Variants in TENM2 observed in about 807,000 individuals in gnomAD.
TENM2 encodes the protein teneurin transmembrane protein 2.
TENM2 carries 52 observed loss-of-function variants against 245.2 expected under a neutral mutation model. The observed-to-expected ratio is 0.21, with a 90% CI of 0.17 to 0.27. TENM2 has a LOEUF of 0.27. Among genes scored for constraint, TENM2 ranks in the 10% least tolerant of loss-of-function variants. The pLI, the probability that TENM2 is intolerant of heterozygous loss-of-function variation, is 1.00. For synonymous variants in TENM2, 1,363 were observed against 1,438.9 expected (o/e 0.95, Z 1.19); for missense variants, 3,046 against 3,666.8 (o/e 0.83, Z 4.37).
the TENM2 span, among the ~76,000 whole-genome samples, chr5:167,278,098 GT>G: frequency 1.3e-5 from 2 of 151,426 alleles, no homozygotes; most frequent in East Asian, 3.9e-4. Context: ...GGGCCCAGGA[GT>G]TGAAGACTAG....
At chr5:167,783,398 G>A (rs758206841) in intron 2 of TENM2, among the ~76,000 whole-genome samples, 1 of 152,074 alleles carries the variant, frequency 6.6e-6, no homozygotes, top group Admixed American at 6.5e-5. Context: ...GACCCACATG[G>A]CACTGGCGGC....
In TENM2 at chr5:167,932,456, G is replaced by A. The variant is rs1297754097; in HGVS notation, c.713-20132G>A. The stretch of plus-strand genomic sequence containing the variant: ...AATGAATGAATGATGAAATAAACAG[G>A]CATAATTAGTAGGGTCGAATCGTTG... On this transcript the variant is annotated intron_variant, in intron 3 of 28. Transcript: ENST00000518659. Among the ~76,000 whole-genome samples, 3 of 152,004 alleles carry A rather than the reference G, an allele frequency of 2.0e-5. No individual in the cohort carries two copies. The East Asian group carries it at 5.8e-4, about 30-fold the overall frequency.
intron 1 of TENM2, among the ~76,000 whole-genome samples, chr5:167,285,279 T>C (rs1771268342): frequency 6.6e-6 from 1 of 152,196 alleles, no homozygotes; most frequent in African/African-American, 2.4e-5. Flanking sequence ...ATTCTCCTCA[T>C]AGTCCACTTA....
At chr5:167,259,302 T>C in the TENM2 span, among the ~76,000 whole-genome samples, 2 of 152,188 alleles carry the variant, frequency 1.3e-5, no homozygotes, top group African/African-American at 4.8e-5. Flanking sequence ...CTGGAGCTAG[T>C]TCCCACCTAT....
At chr5:167,082,674 ACT>A in the TENM2 span, among the ~76,000 whole-genome samples, 2 of 152,108 alleles carry the variant, frequency 1.3e-5, no homozygotes, top group Non-Finnish European at 2.9e-5. Flanking sequence ...GACTCTAATA[ACT>A]CTCTTAAACT....
Position 167,772,629 on chromosome 5 carries a change from T to A in TENM2, c.503-103357T>A, listed in dbSNP as rs564074508. Among the ~76,000 whole-genome samples, 6 of 151,854 alleles carry A rather than the reference T, an allele frequency of 4.0e-5. No homozygotes were observed. In the South Asian group the frequency reaches 8.3e-4, roughly 21 times the overall value. On this transcript the variant is annotated intron_variant, in intron 2 of 28. Coordinates refer to ENST00000518659, the Ensembl canonical transcript of TENM2. ...CACTTACCAAGTATCAGACCCACTTTTTTTTTTTTGCAGTTTATAATACAA... is the reference window on the plus strand; with the variant it reads ...CACTTACCAAGTATCAGACCCACTTATTTTTTTTTGCAGTTTATAATACAA...
intron 3 of TENM2, among the ~76,000 whole-genome samples, chr5:167,940,407 GT>G (rs1436256359): frequency 6.6e-6 from 1 of 152,130 alleles, no homozygotes; most frequent in African/African-American, 2.4e-5. Context: ...AGACAAATGA[GT>G]TTTTTAAAAA....
the TENM2 span, among the ~76,000 whole-genome samples, chr5:166,996,572 A>G: frequency 1.3e-5 from 2 of 152,168 alleles, no homozygotes; most frequent in African/African-American, 4.8e-5. Context: ...CTTTACAGAA[A>G]AAGTTTGCTG....
intron 13 of TENM2, among the ~76,000 whole-genome samples, chr5:168,177,044 T>C (rs546884877): frequency 2.7e-4 from 41 of 152,318 alleles, no homozygotes; most frequent in Admixed American, 4.6e-4. Flanking sequence ...AGCCTCATAA[T>C]CCTCCTTTAA....
At chr5:167,022,770 T>C in the TENM2 span, among the ~76,000 whole-genome samples, 1 of 152,168 alleles carries the variant, frequency 6.6e-6, no homozygotes, top group African/African-American at 2.4e-5. Flanking sequence ...CCCCTTCCCC[T>C]AGTCATTGTC....
intron 9 of TENM2, among the ~76,000 whole-genome samples, chr5:168,116,934 C>T (rs1209767586): frequency 6.6e-6 from 1 of 152,188 alleles, no homozygotes; most frequent in Non-Finnish European, 1.5e-5. Context: ...ACTGAAACAC[C>T]TGCATCCGTC....
chr5:167,956,635 A>C (rs947542527), intron 4 of TENM2, among the ~76,000 whole-genome samples: 16 of 152,134 alleles, frequency 1.1e-4, no homozygotes, highest in African/African-American at 2.4e-5. Flanking sequence ...TATTATTTTG[A>C]GATATGTTTC....
chr5:167,441,164 G>A (rs1328609598), intron 2 of TENM2, among the ~76,000 whole-genome samples: 2 of 152,068 alleles, frequency 1.3e-5, no homozygotes, highest in Admixed American at 1.3e-4. Context: ...TGTCCTTTGG[G>A]TTTCCTAGGT....
chr5:166,996,513 C>T, the TENM2 span, among the ~76,000 whole-genome samples: 1 of 152,156 alleles, frequency 6.6e-6, no homozygotes, highest in Non-Finnish European at 1.5e-5. Context: ...ATTAGTGTGG[C>T]TCTCGAGCCT....
At chr5:167,135,627 T>A in the TENM2 span, among the ~76,000 whole-genome samples, 1 of 151,994 alleles carries the variant, frequency 6.6e-6, no homozygotes, top group African/African-American at 2.4e-5. Context: ...ATACAAAAAA[T>A]TAGCCAGGTA....
At chr5:167,881,569 T>C (rs1773881286) in intron 3 of TENM2, among the ~76,000 whole-genome samples, 1 of 152,182 alleles carries the variant, frequency 6.6e-6, no homozygotes, top group African/African-American at 2.4e-5. Flanking sequence ...TCATTCACTT[T>C]CCCAAGTTGG....
At chr5:167,121,088 T>C in the TENM2 span, among the ~76,000 whole-genome samples, 1 of 152,160 alleles carries the variant, frequency 6.6e-6, no homozygotes, top group African/African-American at 2.4e-5. Context: ...CTTCAAGAAA[T>C]GTTTGCCTAG....
chr5:167,493,847 G>T (rs1768605864), intron 2 of TENM2, among the ~76,000 whole-genome samples: 1 of 152,102 alleles, frequency 6.6e-6, no homozygotes, highest in African/African-American at 2.4e-5. Flanking sequence ...TTGGAAAAAG[G>T]AATGGCAAAC....
At chr5:168,012,153 A>C (rs118055144) in intron 5 of TENM2, among the ~76,000 whole-genome samples, 1 of 152,058 alleles carries the variant, frequency 6.6e-6, no homozygotes, top group Non-Finnish European at 1.5e-5. Context: ...CCTAATAACA[A>C]TGTTTCTAAA....
Sources: allele counts gnomAD v4.1 joint callset (sites outside exome capture counted in the v4.1 genomes callset), GRCh38; gene constraint gnomAD v4.1.1; transcripts MANE v1.5; gene names NCBI Gene and HGNC (gene_info 2026-07-23, HGNC 2026-07-21).